SLMAP: variants seen among roughly 807,000 people sequenced by gnomAD.
The protein encoded by SLMAP is sarcolemma associated protein.
Under a neutral mutation model 128.8 loss-of-function variants are expected in SLMAP, and 44 were observed. The ratio of observed to expected loss-of-function variants is 0.34; its 90% CI spans 0.27 to 0.44. The LOEUF (loss-of-function observed/expected upper bound fraction) is 0.44, where lower values mean the gene tolerates loss of function less well. SLMAP is among the 20% of genes least tolerant of loss of function. SLMAP has a pLI of 1.00. For missense variants in SLMAP, 787 were observed against 985.3 expected, an observed-to-expected ratio of 0.80 and a Z score of 2.69; for synonymous variants, 327 against 348.8, an observed-to-expected ratio of 0.94 and a Z score of 0.70.
chr3:57,859,622 C>T (rs963030989), intron 8 of SLMAP, among the ~76,000 whole-genome samples: 8 of 152,018 alleles, frequency 5.3e-5, no homozygotes, highest in African/African-American at 1.9e-4. Flanking sequence ...AAACCAAATA[C>T]CACATGTTCT....
At chr3:57,773,009 A>G (rs1480263486) in intron 2 of SLMAP, among the ~76,000 whole-genome samples, 1 of 152,218 alleles carries the variant, frequency 6.6e-6, no homozygotes, top group East Asian at 1.9e-4. Flanking sequence ...GGTTGAGCCT[A>G]GGTACATGAC....
intron 22 of SLMAP, among the ~76,000 whole-genome samples, chr3:57,922,435 T>C (rs2096935407): frequency 6.7e-6 from 1 of 150,148 alleles, no homozygotes; most frequent in African/African-American, 2.4e-5. Flanking sequence ...CTTTTTTTTT[T>C]TTTTTTTTTG....
Position 57,831,633 on chromosome 3 carries a change from AT to A in SLMAP, c.346+106del, listed in dbSNP as rs1397598600. On this transcript the variant is annotated intron_variant, in intron 3 of 24. Transcript: ENST00000671191. ...GAAACATTACATGCTTGTGAAAGCG[AT>A]TTAAATACAGCATTATATACAGTGA... The A allele has an allele frequency of 3.9e-5, 29 of 752,374 alleles. 1 individual carries two copies. The highest frequency in any genetic ancestry group is 3.1e-4 in the South Asian group (9 of 29,080). The allele number at this position is 752,374 out of a possible 1,614,324, so 46.6% of individuals were successfully genotyped here. A position where few individuals can be genotyped will look rare whatever the true frequency, so the allele number is the denominator to read the frequency against.
intron 6 of SLMAP, among the ~76,000 whole-genome samples, chr3:57,854,877 A>AT (rs1435414053): frequency 4.6e-5 from 7 of 152,028 alleles, no homozygotes; most frequent in Admixed American, 1.3e-4. Flanking sequence ...TCATTAGGTG[A>AT]TTTTGTCTTT....
intron 2 of SLMAP, among the ~76,000 whole-genome samples, chr3:57,806,019 G>T (rs1038925870): frequency 4.1e-5 from 6 of 146,266 alleles, no homozygotes; most frequent in African/African-American, 1.5e-4. Flanking sequence ...GTAAAACAGG[G>T]TTTTTTTTTT....
At chr3:57,903,468 GA>G (rs1410142806) in intron 17 of SLMAP, among the ~76,000 whole-genome samples, 1 of 152,158 alleles carries the variant, frequency 6.6e-6, no homozygotes, top group Non-Finnish European at 1.5e-5. Flanking sequence ...TAGAACTTGG[GA>G]AAAAAATCTT....
At chr3:57,926,998 G>T (rs913016973) in intron 24 of SLMAP, among the ~76,000 whole-genome samples, 1 of 152,128 alleles carries the variant, frequency 6.6e-6, no homozygotes, top group African/African-American at 2.4e-5. Context: ...AAAGCAGGCA[G>T]AGCCCACAAA....
intron 14 of SLMAP, among the ~76,000 whole-genome samples, chr3:57,881,926 G>A (rs1375200457): frequency 6.6e-6 from 1 of 152,130 alleles, no homozygotes; most frequent in African/African-American, 2.4e-5. Flanking sequence ...GAGCCCGGGA[G>A]TTAGAGGCTG....
At chr3:57,781,585 C>A (rs548882248) in intron 2 of SLMAP, among the ~76,000 whole-genome samples, 1 of 152,046 alleles carries the variant, frequency 6.6e-6, no homozygotes. Flanking sequence ...TTAGTAGCTG[C>A]GGTTACCTGG....
intron 17 of SLMAP, chr3:57,902,203 T>C (rs2096401742): frequency 1.3e-5 from 2 of 152,228 alleles, no homozygotes. Context: ...GTGATCATAG[T>C]ATTATAGATA....
At chr3:57,864,431 T>C in intron 10 of SLMAP, 117 bp from the exon 11 acceptor site, 1 of 643,940 alleles carries the variant, frequency 1.6e-6, no homozygotes, top group Non-Finnish European at 2.7e-6. Flanking sequence ...CTGTAGAACA[T>C]TTCTTTTCTA....
chr3:57,912,779 C>G, intron 20 of SLMAP, 78 bp downstream of exon 20: 1 of 1,127,468 alleles, frequency 8.9e-7, no homozygotes, highest in Non-Finnish European at 1.2e-6. Context: ...AAGAAACATG[C>G]AGGCTTTTTT....
chr3:57,880,184 G>C (rs2095701521), intron 14 of SLMAP, among the ~76,000 whole-genome samples: 1 of 146,368 alleles, frequency 6.8e-6, no homozygotes, highest in South Asian at 2.2e-4. Context: ...GTTTTGTTTT[G>C]TTTTGTTTTG....
chr3:57,776,240 T>C (rs1408931597), intron 2 of SLMAP, among the ~76,000 whole-genome samples: 1 of 152,180 alleles, frequency 6.6e-6, no homozygotes, highest in Non-Finnish European at 1.5e-5. Context: ...GTACAGAAAA[T>C]GAAAATTTAT....
chr3:57,818,360 G>A (rs1004276839), intron 2 of SLMAP, among the ~76,000 whole-genome samples: 6 of 152,136 alleles, frequency 3.9e-5, no homozygotes, highest in Non-Finnish European at 5.9e-5. Flanking sequence ...TCTCCATGTT[G>A]GTCAGGCTGG....
intron 2 of SLMAP, among the ~76,000 whole-genome samples, chr3:57,825,238 T>TA (rs1449082334): frequency 6.6e-6 from 1 of 151,818 alleles, no homozygotes; most frequent in Non-Finnish European, 1.5e-5. Flanking sequence ...TTTTTTTTTT[T>TA]ATTCTTTCTA....
chr3:57,857,369 T>C (rs1470799729), intron 6 of SLMAP, among the ~76,000 whole-genome samples: 1 of 152,176 alleles, frequency 6.6e-6, no homozygotes, highest in East Asian at 1.9e-4. Flanking sequence ...TTTTCCTATA[T>C]ATACACATAC....
intron 2 of SLMAP, among the ~76,000 whole-genome samples, chr3:57,810,239 T>C (rs900990883): frequency 1.2e-4 from 19 of 152,210 alleles, no homozygotes; most frequent in African/African-American, 4.6e-4. Context: ...GCAGGCAGCA[T>C]GCCTGTGCAC....
At chr3:57,876,539 T>C (rs1177946097) in intron 14 of SLMAP, among the ~76,000 whole-genome samples, 1 of 152,222 alleles carries the variant, frequency 6.6e-6, no homozygotes, top group Non-Finnish European at 1.5e-5. Flanking sequence ...AAAAAAAGCT[T>C]CAGCAATATT....
Sources: allele counts gnomAD v4.1 joint callset (sites outside exome capture counted in the v4.1 genomes callset), GRCh38; gene constraint gnomAD v4.1.1; transcripts MANE v1.5; gene names NCBI Gene and HGNC (gene_info 2026-07-23, HGNC 2026-07-21).